Variants in TAMM41 observed in about 807,000 individuals in gnomAD.
The protein encoded by TAMM41 is TAM41 mitochondrial translocator assembly and maintenance homolog.
A neutral mutation model predicts 44.1 loss-of-function variants in TAMM41; 36 were observed. The ratio of observed to expected loss-of-function variants is 0.82; its 90% CI spans 0.63 to 1.08. The LOEUF (loss-of-function observed/expected upper bound fraction) is 1.08. TAMM41 is among the 50% of genes least tolerant of loss of function. The probability of loss-of-function intolerance (pLI) is 0.00; values close to 1 mark genes in which losing one functional copy is unlikely to be tolerated. For missense variants in TAMM41, 417 were observed against 404.3 expected (o/e 1.03, Z -0.27); for synonymous variants, 164 against 153.1 (o/e 1.07, Z -0.53).
chr3:11,829,710 T>C lies in TAMM41; in HGVS notation c.562+4A>G, dbSNP rs773165972. The C allele has an allele frequency of 7.4e-6, 12 of 1,613,926 alleles. No individual in the cohort carries two copies. The African/African-American group carries it at 1.6e-4, about 22-fold the overall frequency. ...TAGAACATCTGGGCAGCAACCATAC[T>C]AACCTGAATAGGAGAGACCGGCAAT... On this transcript the variant is annotated splice_donor_region_variant and intron_variant, in intron 4 of 7. Transcript: ENST00000455809.
At chr3:11,749,097 G>T in the TAMM41 span, among the ~76,000 whole-genome samples, 3 of 151,758 alleles carry the variant, frequency 2.0e-5, no homozygotes, top group African/African-American at 7.3e-5. Flanking sequence ...ATTTTTAGTA[G>T]AGATGGGGTT....
chr3:11,726,800 C>CAAAAAAAAAAAAAA, the TAMM41 span, among the ~76,000 whole-genome samples: 1 of 93,096 alleles, frequency 1.1e-5, no homozygotes, highest in African/African-American at 3.5e-5. Context: ...GACTCTGTCT[C>CAAAAAAAAAAAAAA]AAAAAAAAAA....
At chr3:11,737,788 C>T in the TAMM41 span, among the ~76,000 whole-genome samples, 1 of 152,136 alleles carries the variant, frequency 6.6e-6, no homozygotes, top group Non-Finnish European at 1.5e-5. Flanking sequence ...ACAATATTAA[C>T]TTGACATGAC....
chr3:11,839,427 C>A, intron 2 of TAMM41, 113 bp from the exon 3 acceptor site: 1 of 658,232 alleles, frequency 1.5e-6, no homozygotes. Context: ...TACCTTGATT[C>A]CAAAGCCACT....
At chr3:11,773,518 G>T in the TAMM41 span, among the ~76,000 whole-genome samples, 9 of 151,972 alleles carry the variant, frequency 5.9e-5, no homozygotes, top group Non-Finnish European at 1.2e-4. Flanking sequence ...ACCGTGCCCA[G>T]CCCCACCCCG....
the TAMM41 span, among the ~76,000 whole-genome samples, chr3:11,748,417 A>C: frequency 6.6e-6 from 1 of 151,070 alleles, no homozygotes; most frequent in Non-Finnish European, 1.5e-5. Context: ...GAGTAGCTGG[A>C]ACTACAGGCG....
chr3:11,773,812 G>A, the TAMM41 span, among the ~76,000 whole-genome samples: 14 of 152,218 alleles, frequency 9.2e-5, no homozygotes, highest in Non-Finnish European at 1.8e-4. Flanking sequence ...GTTGGGGGCC[G>A]GGTGCGGTGG....
In TAMM41 at chr3:11,825,362, C is replaced by T. The variant is rs571910783; in HGVS notation, c.562+4352G>A. 1.7e-3 allele frequency among the ~76,000 whole-genome samples: 262 copies of T among 152,260 alleles called. 1 individual carries two copies. The highest frequency in any genetic ancestry group is 6.0e-3 in the African/African-American group (251 of 41,546). Reference sequence around the variant, plus strand: ...AATGACTACTGAGTAACCTGAGTTCCGGCTGAGGCACAGAGAAGCAGGCTT... The same window carrying T: ...AATGACTACTGAGTAACCTGAGTTCTGGCTGAGGCACAGAGAAGCAGGCTT... On this transcript the variant is annotated intron_variant, in intron 4 of 7. Transcript: ENST00000455809.
intron 7 of TAMM41, chr3:11,807,608 G>C (rs1204428715): frequency 1.3e-6 from 2 of 1,536,058 alleles, no homozygotes; most frequent in East Asian, 4.9e-5. Context: ...AATTCAGAAG[G>C]GCAGTAAAGC....
intron 3 of TAMM41, among the ~76,000 whole-genome samples, chr3:11,835,510 T>C (rs2079139215): frequency 6.6e-6 from 1 of 152,194 alleles, no homozygotes; most frequent in Non-Finnish European, 1.5e-5. Context: ...GAAATGAGCA[T>C]GGGTGCTACT....
intron 7 of TAMM41, among the ~76,000 whole-genome samples, chr3:11,796,463 C>T (rs571854111): frequency 1.6e-4 from 25 of 152,164 alleles, no homozygotes; most frequent in Non-Finnish European, 2.5e-4. Context: ...CTTCACTAAG[C>T]GGATTCCCGG....
At chr3:11,739,857 G>A in the TAMM41 span, among the ~76,000 whole-genome samples, 6 of 152,028 alleles carry the variant, frequency 3.9e-5, no homozygotes, top group Non-Finnish European at 7.4e-5. Flanking sequence ...TCTTTCCCCC[G>A]GCTTCCAACA....
At chr3:11,804,971 C>A (rs1414347500) in intron 7 of TAMM41, among the ~76,000 whole-genome samples, 1 of 147,004 alleles carries the variant, frequency 6.8e-6, no homozygotes, top group African/African-American at 2.5e-5. Flanking sequence ...CTCAGGACTA[C>A]GGGCGCGCAC....
the TAMM41 span, among the ~76,000 whole-genome samples, chr3:11,749,215 A>G: frequency 6.6e-6 from 1 of 152,118 alleles, no homozygotes; most frequent in Non-Finnish European, 1.5e-5. Flanking sequence ...GCCCTGCTAG[A>G]AATGGATTTT....
At chr3:11,781,229 A>G in the TAMM41 span, among the ~76,000 whole-genome samples, 1 of 152,222 alleles carries the variant, frequency 6.6e-6, no homozygotes, top group Non-Finnish European at 1.5e-5. Flanking sequence ...ACAGTAGGAC[A>G]GTTATACAAG....
chr3:11,777,045 C>G, the TAMM41 span, among the ~76,000 whole-genome samples: 4 of 152,124 alleles, frequency 2.6e-5, no homozygotes, highest in Admixed American at 6.6e-5. Flanking sequence ...TTCTGGGGAT[C>G]TAATCTACAG....
At chr3:11,739,600 A>T in the TAMM41 span, among the ~76,000 whole-genome samples, 1 of 126,926 alleles carries the variant, frequency 7.9e-6, no homozygotes, top group East Asian at 2.7e-4. Context: ...TGGACCCGGG[A>T]GGTGGAGGTT....
chr3:11,807,275 A>G, intron 7 of TAMM41: 2 of 1,437,996 alleles, frequency 1.4e-6, no homozygotes, highest in Non-Finnish European at 1.8e-6. Flanking sequence ...CCAGACAACT[A>G]TATTAGGAGG....
chr3:11,792,158 T>C (rs1032928275), intron 7 of TAMM41, among the ~76,000 whole-genome samples: 4 of 149,950 alleles, frequency 2.7e-5, no homozygotes, highest in Non-Finnish European at 5.9e-5. Flanking sequence ...AGTAGAAGAG[T>C]GTCACCATGT....
Sources: allele counts gnomAD v4.1 joint callset (sites outside exome capture counted in the v4.1 genomes callset), GRCh38; gene constraint gnomAD v4.1.1; transcripts MANE v1.5; gene names NCBI Gene and HGNC (gene_info 2026-07-23, HGNC 2026-07-21).